Variants in LRMDA observed in about 807,000 individuals in gnomAD.
The protein encoded by LRMDA is leucine rich melanocyte differentiation associated.
A neutral mutation model predicts 29.8 loss-of-function variants in LRMDA; 18 were observed. That is an observed-to-expected ratio of 0.60 (90% CI 0.42 to 0.90). The LOEUF (loss-of-function observed/expected upper bound fraction) is 0.90. Ranked by LOEUF, LRMDA falls within the 40% of genes least tolerant of loss-of-function variation. The probability of loss-of-function intolerance (pLI) is 0.00; values close to 1 mark genes in which losing one functional copy is unlikely to be tolerated. For missense variants in LRMDA, 273 were observed against 273.9 expected, an observed-to-expected ratio of 1.00 and a Z score of 0.02; for synonymous variants, 125 against 109.4, an observed-to-expected ratio of 1.14 and a Z score of -0.89.
At chr10:75,522,134 G>A (rs999859193) in intron 2 of LRMDA, among the ~76,000 whole-genome samples, 9 of 152,204 alleles carry the variant, frequency 5.9e-5, no homozygotes, top group Non-Finnish European at 1.0e-4. Context: ...TGAAGCAGGC[G>A]CTGTTCTATG....
At chr10:76,411,445 A>G (rs1841960436) in intron 6 of LRMDA, among the ~76,000 whole-genome samples, 1 of 152,178 alleles carries the variant, frequency 6.6e-6, no homozygotes. Flanking sequence ...TATACACCTT[A>G]CAGCCATGTT....
intron 2 of LRMDA, among the ~76,000 whole-genome samples, chr10:75,956,168 T>A (rs1438565261): frequency 6.6e-6 from 1 of 152,160 alleles, no homozygotes; most frequent in East Asian, 1.9e-4. Context: ...CTTGCACAAA[T>A]GTTTGCAGGA....
intron 5 of LRMDA, among the ~76,000 whole-genome samples, chr10:76,068,484 T>C (rs1848822697): frequency 6.6e-6 from 1 of 151,920 alleles, no homozygotes; most frequent in Non-Finnish European, 1.5e-5. Flanking sequence ...AGGCATTAGA[T>C]TCTCATAAGG....
chr10:76,321,318 C>G (rs1243928015), intron 5 of LRMDA, among the ~76,000 whole-genome samples: 3 of 152,150 alleles, frequency 2.0e-5, no homozygotes, highest in African/African-American at 7.2e-5. Context: ...ACAACAGTTT[C>G]TTTTTCCTTT....
chr10:75,916,899 A>C (rs1354179092), intron 2 of LRMDA, among the ~76,000 whole-genome samples: 2 of 152,194 alleles, frequency 1.3e-5, no homozygotes, highest in Non-Finnish European at 2.9e-5. Flanking sequence ...GAATCTCATT[A>C]GCCTTTTTAG....
At chr10:75,451,325 T>C (rs937942256) in intron 2 of LRMDA, 5 of 152,206 alleles carry the variant, frequency 3.3e-5, no homozygotes, top group Admixed American at 2.6e-4. Flanking sequence ...TGAAATCTCT[T>C]TTGCCCTTTC....
chr10:76,219,866 A>C (rs2132256168), intron 5 of LRMDA, among the ~76,000 whole-genome samples: 1 of 152,310 alleles, frequency 6.6e-6, no homozygotes, highest in South Asian at 2.1e-4. Context: ...CATAGTTGGA[A>C]GTAAAGCACT....
intron 2 of LRMDA, among the ~76,000 whole-genome samples, chr10:75,478,965 T>C (rs1402800073): frequency 6.6e-6 from 1 of 152,194 alleles, no homozygotes; most frequent in Non-Finnish European, 1.5e-5. Context: ...TAATTGTATC[T>C]GGACCTGCAC....
At chr10:76,461,767 G>A (rs1907357) in intron 6 of LRMDA, among the ~76,000 whole-genome samples, 143,807 of 152,146 alleles carry the variant, frequency 0.95, 68,451 homozygotes, top group Non-Finnish European at 0.99. Context: ...AGAATCACCT[G>A]GGCTTTTGTT....
chr10:76,061,900 T>G (rs901995569), intron 5 of LRMDA, among the ~76,000 whole-genome samples: 2 of 152,198 alleles, frequency 1.3e-5, no homozygotes, highest in African/African-American at 2.4e-5. Context: ...GTACTTTTCT[T>G]GTAGAAAGAA....
chr10:76,164,043 T>C (rs1850692760), intron 5 of LRMDA, among the ~76,000 whole-genome samples: 1 of 152,206 alleles, frequency 6.6e-6, no homozygotes, highest in East Asian at 1.9e-4. Context: ...AACAACCCTC[T>C]GAAGTTTCCT....
intron 2 of LRMDA, among the ~76,000 whole-genome samples, chr10:75,575,630 T>G (rs1268912640): frequency 6.6e-6 from 1 of 152,156 alleles, no homozygotes. Flanking sequence ...GCGAGATTGA[T>G]GCAGAAGGCG....
chr10:75,582,002 TG>T (rs1366267034), intron 2 of LRMDA, among the ~76,000 whole-genome samples: 3 of 152,196 alleles, frequency 2.0e-5, no homozygotes, highest in Non-Finnish European at 4.4e-5. Flanking sequence ...CACACTGATG[TG>T]AGGGGTGGGC....
intron 6 of LRMDA, among the ~76,000 whole-genome samples, chr10:76,329,379 G>A (rs1840876359): frequency 6.6e-6 from 1 of 152,184 alleles, no homozygotes; most frequent in African/African-American, 2.4e-5. Context: ...ATAATTGCAA[G>A]CCTAGTGAAT....
chr10:76,112,707 C>T (rs1275536288), intron 5 of LRMDA, among the ~76,000 whole-genome samples: 2 of 152,202 alleles, frequency 1.3e-5, no homozygotes, highest in Admixed American at 6.5e-5. Context: ...TCCCGGAGCC[C>T]CCAGTGCAAT....
At chr10:75,926,545 T>C (rs1422806173) in intron 2 of LRMDA, among the ~76,000 whole-genome samples, 1 of 152,214 alleles carries the variant, frequency 6.6e-6, no homozygotes, top group Admixed American at 6.5e-5. Flanking sequence ...CCCACCTTTT[T>C]ATCTTGATTT....
chr10:76,463,006 C>T (rs1842528816), intron 6 of LRMDA, among the ~76,000 whole-genome samples: 1 of 152,120 alleles, frequency 6.6e-6, no homozygotes, highest in Non-Finnish European at 1.5e-5. Flanking sequence ...GTTCAGGGCC[C>T]CTTAAAAGAT....
At position 75,746,329 on chromosome 10, in the gene LRMDA, T is replaced by G. The variant is rs1842890313; in HGVS notation, c.132-289679T>G. ...ACTGAATTCTCCCTGCAAACTAGTT[T>G]GGTGGTCTTGGTTCACTGCACTTAA... is the stretch of plus-strand genomic sequence containing the variant. On this transcript the variant is annotated intron_variant, in intron 2 of 6. Coordinates refer to ENST00000611255, the MANE Select transcript of LRMDA (RefSeq NM_001305581.2). Among the ~76,000 whole-genome samples, 6 of 152,354 alleles carry G rather than the reference T, an allele frequency of 3.9e-5. No individual in the cohort carries two copies. In the South Asian group the frequency reaches 1.2e-3, roughly 32 times the overall value.
chr10:76,222,860 C>G lies in LRMDA; in HGVS notation c.517-101541C>G, dbSNP rs552969143. 1.3e-4 allele frequency among the ~76,000 whole-genome samples: 20 copies of G among 152,174 alleles called. No individual in the cohort carries two copies. In the East Asian group the frequency reaches 2.7e-3, roughly 21 times the overall value. On this transcript the variant is annotated intron_variant, in intron 5 of 6. Coordinates refer to ENST00000611255, the MANE Select transcript of LRMDA (RefSeq NM_001305581.2). ...TATTCACAATAGCAAAGACTTGGAA[C>G]CAACCCAAATGTCCAACAATGATAG...
Sources: gnomAD v4.1 joint callset for allele counts (sites outside exome capture counted in the v4.1 genomes callset) on GRCh38, gnomAD v4.1.1 for gene constraint, MANE v1.5 for transcripts, NCBI Gene and HGNC (gene_info 2026-07-23, HGNC 2026-07-21) for gene names.